ATN1: variants seen among roughly 807,000 people sequenced by gnomAD.
The protein encoded by ATN1 is atrophin-1.
Under a neutral mutation model 85.8 loss-of-function variants are expected in ATN1, and 19 were observed. The observed-to-expected ratio is 0.22, with a 90% CI of 0.15 to 0.32. The LOEUF is 0.32. Ranked by LOEUF, ATN1 falls within the 10% of genes least tolerant of loss-of-function variation. ATN1 has a pLI of 1.00. For synonymous variants in ATN1, 674 were observed against 657.0 expected (o/e 1.03, Z -0.39); for missense variants, 1,453 against 1,564.5 (o/e 0.93, Z 1.20).
At position 6,941,497 on chromosome 12, in the gene ATN1, TGC is replaced by T; in HGVS notation, c.3483_3484del (p.His1162CysfsTer144). ...TTGGCGCTGGAACAGCAGCAGTGGC[TGC>T]ATGCCCATCACCCGCTGCACAGTGT... On this transcript the variant is annotated frameshift_variant, in exon 9 of 10. Coordinates refer to ENST00000396684, the MANE Select transcript of ATN1 (RefSeq NM_001940.4). LOFTEE classifies it high-confidence loss of function. The surrounding 1 kb of genome is among the most constrained non-coding windows in gnomAD (Gnocchi z 5.9). 1.2e-6 allele frequency: 2 copies of T among 1,612,774 alleles called. No homozygotes were observed. Among genetic ancestry groups the T allele is most frequent in the Non-Finnish European group, 1.7e-6 (2 of 1,179,962 alleles).
chr12:6,931,429 A>G (rs1945462518), intron 1 of ATN1, among the ~76,000 whole-genome samples: 1 of 150,310 alleles, frequency 6.7e-6, no homozygotes, highest in Non-Finnish European at 1.5e-5. Flanking sequence ...AAAAAAAAAA[A>G]AAGGCCGGGC....
rs201715319 is a variant in ATN1, at chr12:6,935,595, G to T, written c.328G>T (p.Gly110Trp). Residue 110 changes from glycine (G) to tryptophan (W), a missense_variant, in exon 5 of 10, where the codon GGG becomes TGG. By Grantham distance (184) the Gly-to-Trp change is radical. This residue lies in a region of ATN1 where 130 missense variants were observed against 158.2 expected (regional missense o/e 0.82). Coordinates refer to ENST00000396684, the MANE Select transcript of ATN1 (RefSeq NM_001940.4). The surrounding 1 kb of genome is among the most constrained non-coding windows in gnomAD (Gnocchi z 5.3). Reference protein sequence around the residue: ...QSPSDLDSLDGRSLNDDGSSD... With the variant: ...QSPSDLDSLDWRSLNDDGSSD... ...TCCCTCCGATCTGGATAGCTTGGAC[G>T]GGCGGAGCCTTAATGATGATGGCAG... 9.9e-6 allele frequency: 16 copies of T among 1,613,878 alleles called. No individual in the cohort carries two copies. Among genetic ancestry groups the T allele is most frequent in the Non-Finnish European group, 1.3e-5 (15 of 1,179,866 alleles).
intron 1 of ATN1, among the ~76,000 whole-genome samples, chr12:6,931,587 G>A (rs1434751596): frequency 6.6e-6 from 1 of 151,418 alleles, no homozygotes; most frequent in Non-Finnish European, 1.5e-5. Context: ...GGTGGTGTGC[G>A]CTTGTAATCC....
In ATN1 at chr12:6,935,500, GA is replaced by G; in HGVS notation, c.280-45del. The G allele has an allele frequency of 4.4e-6, 7 of 1,583,730 alleles. No individual in the cohort carries two copies. Among genetic ancestry groups the G allele is most frequent in the Non-Finnish European group, 6.0e-6 (7 of 1,164,570 alleles). On this transcript the variant is annotated intron_variant, in intron 4 of 9. Coordinates refer to ENST00000396684, the MANE Select transcript of ATN1 (RefSeq NM_001940.4). The surrounding 1 kb of genome is among the most constrained non-coding windows in gnomAD (Gnocchi z 5.3). The stretch of plus-strand genomic sequence containing the variant: ...ATGCAAGAGAGCCCCAAATCTCAGG[GA>G]AGCAGGAAAGGAAAAGAGAAAAAAT...
In ATN1 at chr12:6,939,021, C is replaced by T; in HGVS notation, c.3058C>T (p.Arg1020Trp). The part of the protein sequence containing the change: ...ALRPDMSYAE[R>W]LAAERQHAER... ...GCGGCCTGACATGTCCTATGCTGAG[C>T]GGCTGGCAGCTGAGAGGCAGCACGC... The change falls in exon 7 of 10, where the codon CGG becomes TGG. Residue 1020 changes from arginine to tryptophan, a missense_variant. Arg to Trp is a moderately radical substitution (Grantham distance 101). Around this residue, in one of 6 missense-constraint regions of ATN1, gnomAD observed 208 missense variants for 263.4 expected, o/e 0.79. Transcript: ENST00000396684. The T allele has an allele frequency of 1.9e-6, 3 of 1,610,778 alleles. No homozygotes were observed. The highest frequency in any genetic ancestry group is 1.7e-5 in the Admixed American group (1 of 60,030).
Position 6,938,782 on chromosome 12 carries a change from G to A in ATN1, c.2819G>A (p.Arg940Gln). ...AREREREARE[R>Q]DLRDRLKPGF... ...GAGAGGGAACGGGAAGCCCGTGAAC[G>A]AGACCTCCGTGACCGCCTCAAGCCT... The change falls in exon 7 of 10, where the codon CGA becomes CAA. Residue 940 changes from arginine to glutamine, a missense_variant. Coordinates refer to ENST00000396684, the MANE Select transcript of ATN1 (RefSeq NM_001940.4). The A allele has an allele frequency of 2.5e-6, 4 of 1,614,078 alleles. No homozygotes were observed. Among genetic ancestry groups the A allele is most frequent in the African/African-American group, 1.3e-5 (1 of 75,064 alleles).
chr12:6,926,430 C>T (rs1945399476), upstream of ATN1, among the ~76,000 whole-genome samples: 1 of 152,094 alleles, frequency 6.6e-6, no homozygotes, highest in Non-Finnish European at 1.5e-5. Flanking sequence ...TCCCCCCGCT[C>T]CCACATCTGT....
At chr12:6,925,084 T>C (rs1591655889), upstream of ATN1, among the ~76,000 whole-genome samples, 1 of 147,066 alleles carries the variant, frequency 6.8e-6, no homozygotes, top group African/African-American at 2.6e-5. Flanking sequence ...GGAGCTGGGG[T>C]GAGGGATGGC....
intron 1 of ATN1, among the ~76,000 whole-genome samples, chr12:6,929,738 C>T (rs58199584): frequency 0.019 from 2,912 of 152,340 alleles, 98 homozygotes; most frequent in African/African-American, 0.067. Flanking sequence ...CTCCAAGTCT[C>T]TCCACCTGGG....
At chr12:6,925,318 A>C (rs1340606769), upstream of ATN1, among the ~76,000 whole-genome samples, 3 of 152,178 alleles carry the variant, frequency 2.0e-5, no homozygotes, top group Non-Finnish European at 2.9e-5. Context: ...AGTGATTAAA[A>C]AACAAGGGAG....
chr12:6,936,951 G>A lies in ATN1; in HGVS notation c.1684G>A (p.Gly562Ser). The A allele has an allele frequency of 6.2e-7, 1 of 1,613,884 alleles. No individual in the cohort carries two copies. The change falls in exon 5 of 10, where the codon GGC becomes AGC. Residue 562 changes from glycine to serine, a missense_variant. Gly to Ser is a moderately conservative substitution (Grantham distance 56). Around this residue, in one of 6 missense-constraint regions of ATN1, gnomAD observed 990 missense variants for 914.8 expected, o/e 1.08. Coordinates refer to ENST00000396684, the MANE Select transcript of ATN1 (RefSeq NM_001940.4). ...CAGCCAGGTGTCCTACAGCCAAGCA[G>A]GCCCCAATGGCCCTCCAGTCTCTTC... is the stretch of plus-strand genomic sequence containing the variant. ...PHSQVSYSQA[G>S]PNGPPVSSSS...
At chr12:6,938,133 C>T in intron 6 of ATN1, 66 bp downstream of exon 6, 1 of 1,473,140 alleles carries the variant, frequency 6.8e-7, no homozygotes, top group Non-Finnish European at 9.0e-7. Flanking sequence ...CTGCGCTGCG[C>T]TGCGCTACGC....
rs782310535 is a variant in ATN1, at chr12:6,937,283, C to A, written c.2016C>A (p.Gly672=). The part of the protein sequence containing the change: ...PPSFRTGTPP[G]YRGTSPPAGP... ...CCTTCCGAACGGGGACCCCACCGGG[C>A]TATCGAGGAACCTCGCCACCTGCAG... The change falls in exon 5 of 10, where the codon GGC becomes GGA. Residue 672 remains glycine (G), a synonymous_variant. Coordinates refer to ENST00000396684, the MANE Select transcript of ATN1 (RefSeq NM_001940.4). This position sits in a 1 kb window ranked among gnomAD's most constrained non-coding sequence, Gnocchi z 6.0. 8 of 1,605,030 alleles carry A rather than the reference C, an allele frequency of 5.0e-6. No homozygotes were observed. Among genetic ancestry groups the A allele is most frequent in the Non-Finnish European group, 5.9e-6 (7 of 1,176,736 alleles).
At chr12:6,940,443 T>C (rs1478249632) in intron 7 of ATN1, among the ~76,000 whole-genome samples, 1 of 152,032 alleles carries the variant, frequency 6.6e-6, no homozygotes, top group African/African-American at 2.4e-5. Flanking sequence ...TTTTTTTGTA[T>C]TTTTTGTAGA....
At chr12:6,940,057 C>T (rs1487693090) in intron 7 of ATN1, among the ~76,000 whole-genome samples, 3 of 152,256 alleles carry the variant, frequency 2.0e-5, no homozygotes, top group Admixed American at 6.5e-5. Flanking sequence ...TCTCGGCTTA[C>T]TGCAACCTCC....
At position 6,939,070 on chromosome 12, in the gene ATN1, A is replaced by G. The variant is rs1555144342; in HGVS notation, c.3107A>G (p.Asn1036Ser). Reference protein sequence around the residue: ...QHAERVAALGNDPLARLQMLN... With the variant: ...QHAERVAALGSDPLARLQMLN... ...GCAGAAAGGGTGGCGGCCCTGGGCA[A>G]TGACCCACTGGCCCGGCTGCAGATG... is the stretch of plus-strand genomic sequence containing the variant. The change falls in exon 7 of 10, where the codon AAT becomes AGT. Residue 1036 changes from asparagine (N) to serine (S), a missense_variant. Asn to Ser is a conservative substitution (Grantham distance 46, BLOSUM62 1). Coordinates refer to ENST00000396684, the MANE Select transcript of ATN1 (RefSeq NM_001940.4). 4.4e-6 allele frequency: 7 copies of G among 1,604,494 alleles called. No individual in the cohort carries two copies. The East Asian group carries it at 1.3e-4, about 31-fold the overall frequency.
Position 6,936,195 on chromosome 12 carries a change from C to G in ATN1, c.928C>G (p.Leu310Val). 1.3e-6 allele frequency: 2 copies of G among 1,586,576 alleles called. No individual in the cohort carries two copies. The highest frequency in any genetic ancestry group is 1.7e-6 in the Non-Finnish European group (2 of 1,166,014). Residue 310 changes from leucine to valine, a missense_variant, in exon 5 of 10, where the codon CTC (leucine) becomes GTC (valine). Leu to Val is a conservative substitution (Grantham distance 32). Transcript: ENST00000396684. ...NLPPPPALRP[L>V]NNASASPPGL... ...GCCTCCCCCACCTGCCCTGAGACCC[C>G]TCAACAATGCATCAGCCTCTCCCCC...
In ATN1 at chr12:6,936,872, C is replaced by T. The variant is rs971218574; in HGVS notation, c.1605C>T (p.Ser535=). The part of the protein sequence containing the change: ...HHAHPYAMSP[S]LGSLRPYPPG... ...CACACCCTTACGCCATGTCTCCCTCCCTGGGGTCTCTGAGGCCCTACCCAC... is the reference window on the plus strand; with the variant it reads ...CACACCCTTACGCCATGTCTCCCTCTCTGGGGTCTCTGAGGCCCTACCCAC... Residue 535 remains serine, a synonymous_variant, in exon 5 of 10, where the codon TCC becomes TCT. Coordinates refer to ENST00000396684, the MANE Select transcript of ATN1 (RefSeq NM_001940.4). The T allele has an allele frequency of 3.7e-6, 6 of 1,613,934 alleles. No homozygotes were observed. In the Admixed American group the frequency reaches 5.0e-5, roughly 13 times the overall value.
rs1555143493 is a variant in ATN1, at chr12:6,935,864, G to A, written c.597G>A (p.Glu199=). 1.9e-6 allele frequency: 3 copies of A among 1,613,766 alleles called. No homozygotes were observed. In the South Asian group the frequency reaches 3.3e-5, roughly 18 times the overall value. ...CCACTGGATATCATGCTCCCATGGA[G>A]CCCCCCACATCTCGAATGTTCCAGG... ...VTPTGYHAPM[E]PPTSRMFQAP... The change falls in exon 5 of 10, where the codon GAG becomes GAA. Residue 199 remains glutamate (E), a synonymous_variant. Coordinates refer to ENST00000396684, the MANE Select transcript of ATN1 (RefSeq NM_001940.4). This position sits in a 1 kb window ranked among gnomAD's most constrained non-coding sequence, Gnocchi z 5.3.
Sources: allele counts gnomAD v4.1 joint callset (sites outside exome capture counted in the v4.1 genomes callset), GRCh38; gene constraint gnomAD v4.1.1; regional missense constraint gnomAD v4.1.1; non-coding constraint Gnocchi (gnomAD v3.1); transcripts MANE v1.5; gene names NCBI Gene and HGNC (gene_info 2026-07-23, HGNC 2026-07-21).